Variants in PTPRM observed in about 807,000 individuals in gnomAD.
The protein encoded by PTPRM is protein tyrosine phosphatase receptor type M.
Under a neutral mutation model 186.7 loss-of-function variants are expected in PTPRM, and 47 were observed. The observed-to-expected ratio is 0.25, with a 90% CI of 0.20 to 0.32. PTPRM has a LOEUF of 0.32. Among genes scored for constraint, PTPRM ranks in the 10% least tolerant of loss-of-function variants. PTPRM has a pLI of 1.00. For synonymous variants in PTPRM, 668 were observed against 674.9 expected (o/e 0.99, Z 0.16); for missense variants, 1,494 against 1,865.0 (o/e 0.80, Z 3.66).
At chr18:7,597,086 C>T (rs926374154) in intron 1 of PTPRM, among the ~76,000 whole-genome samples, 1 of 152,180 alleles carries the variant, frequency 6.6e-6, no homozygotes, top group Non-Finnish European at 1.5e-5. Context: ...AACTCCTGAC[C>T]TCAAGTGATC....
intron 2 of PTPRM, among the ~76,000 whole-genome samples, chr18:7,803,291 T>C (rs191221018): frequency 6.6e-6 from 1 of 152,264 alleles, no homozygotes; most frequent in Admixed American, 6.5e-5. Flanking sequence ...GGAGAGTCAG[T>C]TTCCTTACTT....
At chr18:7,785,621 A>G (rs954361675) in intron 2 of PTPRM, among the ~76,000 whole-genome samples, 1 of 152,206 alleles carries the variant, frequency 6.6e-6, no homozygotes, top group Non-Finnish European at 1.5e-5. Context: ...GTGTCATGCC[A>G]ACACAGTTTT....
chr18:8,049,173 A>T (rs1306013761), intron 7 of PTPRM, among the ~76,000 whole-genome samples: 1 of 152,202 alleles, frequency 6.6e-6, no homozygotes, highest in Non-Finnish European at 1.5e-5. Context: ...CATCTATAGG[A>T]TGAATTGCAG....
Position 8,235,409 on chromosome 18 carries a change from G to A in PTPRM, c.2301-8649G>A, listed in dbSNP as rs146472621. Among the ~76,000 whole-genome samples, 636 of 144,664 alleles carry A rather than the reference G, an allele frequency of 4.4e-3. 3 individuals are homozygous for A. The highest frequency in any genetic ancestry group is 0.015 in the African/African-American group (597 of 39,256). 94.9% of individuals were successfully genotyped at this position (144,664 alleles called of 152,430 possible). A position where few individuals can be genotyped will look rare whatever the true frequency, so the allele number is the denominator to read the frequency against. On this transcript the variant is annotated intron_variant, in intron 14 of 32. Coordinates refer to ENST00000580170, the MANE Select transcript of PTPRM (RefSeq NM_001105244.2). ...TATCCTTTTAATGTCCATGGGATCT[G>A]TAATAATGTCCCCTCTTTCATTTCT... is the stretch of plus-strand genomic sequence containing the variant.
At chr18:8,387,044 T>G (rs372245770) in intron 30 of PTPRM, 28 bp from the exon 31 acceptor site, 4 of 1,557,000 alleles carry the variant, frequency 2.6e-6, no homozygotes, top group Non-Finnish European at 3.5e-6. Context: ...TTCTTTCCAC[T>G]CCCCGATTGT....
At chr18:8,252,342 C>G (rs926744113) in intron 17 of PTPRM, 146 bp from the exon 18 acceptor site, 2 of 709,366 alleles carry the variant, frequency 2.8e-6, no homozygotes, top group African/African-American at 3.5e-5. Context: ...GAGGCTTCGC[C>G]CTCTGACCAC....
At chr18:8,182,628 T>C (rs2093591401) in intron 14 of PTPRM, among the ~76,000 whole-genome samples, 2 of 152,186 alleles carry the variant, frequency 1.3e-5, no homozygotes, top group Non-Finnish European at 2.9e-5. Context: ...GGAATCTTTA[T>C]TTTTAGAAAG....
chr18:7,621,591 T>C (rs1302203036), intron 1 of PTPRM, among the ~76,000 whole-genome samples: 1 of 152,222 alleles, frequency 6.6e-6, no homozygotes, highest in Non-Finnish European at 1.5e-5. Context: ...GTATTTTTAC[T>C]GCCCTAAAAA....
At chr18:7,777,480 G>A (rs78311454) in intron 2 of PTPRM, among the ~76,000 whole-genome samples, 2,688 of 152,310 alleles carry the variant, frequency 0.018, 19 homozygotes, top group Non-Finnish European at 0.025. Context: ...TTTAGTAGTG[G>A]CAACAGAGAC....
rs1417603533 is a variant in PTPRM, at chr18:7,654,395, T to TA, written c.73+86510dup. Among the ~76,000 whole-genome samples the TA allele has an allele frequency of 5.9e-5, 9 of 152,228 alleles. No individual in the cohort carries two copies. In the South Asian group the frequency reaches 1.4e-3, roughly 25 times the overall value. Reference sequence around the variant, plus strand: ...GGCGATGACCTTGAGTAGCAGGATATAAAAAACCCCACAAGCTTAGTGTTC... The same window carrying TA: ...GGCGATGACCTTGAGTAGCAGGATATAAAAAAACCCCACAAGCTTAGTGTTC... On this transcript the variant is annotated intron_variant, in intron 1 of 32. Coordinates refer to ENST00000580170, the MANE Select transcript of PTPRM (RefSeq NM_001105244.2).
chr18:8,266,363 C>CAAAAA (rs10678321), intron 19 of PTPRM, among the ~76,000 whole-genome samples: 6 of 130,858 alleles, frequency 4.6e-5, no homozygotes, highest in African/African-American at 1.7e-4. Flanking sequence ...TGCTACCACT[C>CAAAAA]AAAAAAAAAA....
At chr18:7,954,988 C>A (rs1481634309) in intron 6 of PTPRM, 133 bp from the exon 7 acceptor site, 15 of 974,274 alleles carry the variant, frequency 1.5e-5, no homozygotes, top group Non-Finnish European at 2.2e-5. Context: ...CTTGTTAACC[C>A]AAACAAAATT....
At chr18:7,855,980 A>G (rs1040056624) in intron 2 of PTPRM, among the ~76,000 whole-genome samples, 1 of 152,202 alleles carries the variant, frequency 6.6e-6, no homozygotes, top group East Asian at 1.9e-4. Flanking sequence ...GCTTTTTCTC[A>G]GCTTCTGGAA....
intron 19 of PTPRM, among the ~76,000 whole-genome samples, chr18:8,256,732 C>T (rs1427184873): frequency 6.6e-6 from 1 of 152,156 alleles, no homozygotes; most frequent in African/African-American, 2.4e-5. Context: ...GTAACTTACA[C>T]ATAAATAGGT....
chr18:8,079,078 G>A lies in PTPRM; in HGVS notation c.1551+2514G>A, dbSNP rs1289740139. ...TGCTTATTATGAAAGATACACAAAA[G>A]CATTAATGATCAAAAACGGCTGACA... On this transcript the variant is annotated intron_variant, in intron 9 of 32. Transcript: ENST00000580170. 2.0e-5 allele frequency among the ~76,000 whole-genome samples: 3 copies of A among 151,450 alleles called. No homozygotes were observed. In the Admixed American group the frequency reaches 2.0e-4, roughly 10 times the overall value.
At chr18:7,636,186 CT>C (rs1293872301) in intron 1 of PTPRM, among the ~76,000 whole-genome samples, 1 of 141,052 alleles carries the variant, frequency 7.1e-6, no homozygotes, top group African/African-American at 3.2e-5. Context: ...TAAAGTGTAC[CT>C]ACCTGTTAAC....
intron 14 of PTPRM, among the ~76,000 whole-genome samples, chr18:8,167,491 G>T (rs1365260781): frequency 6.6e-6 from 1 of 152,202 alleles, no homozygotes; most frequent in Admixed American, 6.5e-5. Context: ...TTTCTTCTGT[G>T]TTCTTATTAC....
chr18:8,288,143 C>T lies in PTPRM; in HGVS notation c.2755-8225C>T, dbSNP rs1399335023. Among the ~76,000 whole-genome samples, 3 of 152,220 alleles carry T rather than the reference C, an allele frequency of 2.0e-5. No individual in the cohort carries two copies. The East Asian group carries it at 5.8e-4, about 29-fold the overall frequency. ...GGTCCAGCTTCTCCAGGACACCATCCTCATTCCATAAGAAGCAGCAGAGAG... is the reference window on the plus strand; with the variant it reads ...GGTCCAGCTTCTCCAGGACACCATCTTCATTCCATAAGAAGCAGCAGAGAG... On this transcript the variant is annotated intron_variant, in intron 19 of 32. Transcript: ENST00000580170.
chr18:7,761,845 G>T (rs545814349), intron 1 of PTPRM, among the ~76,000 whole-genome samples: 1 of 152,246 alleles, frequency 6.6e-6, no homozygotes, highest in East Asian at 1.9e-4. Flanking sequence ...CCATGAGTCA[G>T]ATAAAAAAGG....
Sources: allele counts gnomAD v4.1 joint callset (sites outside exome capture counted in the v4.1 genomes callset), GRCh38; gene constraint gnomAD v4.1.1; transcripts MANE v1.5; gene names NCBI Gene and HGNC (gene_info 2026-07-23, HGNC 2026-07-21).